Variants in ARHGEF7 observed in about 807,000 individuals in gnomAD.
ARHGEF7 encodes the protein PAK-interacting exchange factor beta.
In ARHGEF7, 33 loss-of-function variants were observed where a neutral mutation model predicts 109.8. That is an observed-to-expected ratio of 0.30 (90% CI 0.23 to 0.40). ARHGEF7 has a LOEUF of 0.40. Among genes scored for constraint, ARHGEF7 ranks in the 10% least tolerant of loss-of-function variants. The pLI is 1.00. For missense variants in ARHGEF7, 938 were observed against 1,098.5 expected (o/e 0.85, Z 2.07); for synonymous variants, 458 against 424.6 (o/e 1.08, Z -0.97).
chr13:111,213,267 T>C (rs986528843), intron 4 of ARHGEF7, among the ~76,000 whole-genome samples: 15 of 152,080 alleles, frequency 9.9e-5, no homozygotes, highest in Non-Finnish European at 2.1e-4. Context: ...CCCGGCCAGG[T>C]CGTGTGTGCC....
At chr13:111,270,577 G>A (rs2092060413) in intron 9 of ARHGEF7, among the ~76,000 whole-genome samples, 1 of 152,016 alleles carries the variant, frequency 6.6e-6, no homozygotes, top group East Asian at 1.9e-4. Context: ...TTTGGCTTCT[G>A]GGCTTTTTTT....
At chr13:111,171,292 G>C (rs2077574183) in intron 2 of ARHGEF7, among the ~76,000 whole-genome samples, 1 of 152,164 alleles carries the variant, frequency 6.6e-6, no homozygotes, top group Non-Finnish European at 1.5e-5. Flanking sequence ...ATAAAGATTT[G>C]AGGTATTTGG....
At chr13:111,164,574 G>T (rs772055070) in intron 2 of ARHGEF7, among the ~76,000 whole-genome samples, 1 of 152,182 alleles carries the variant, frequency 6.6e-6, no homozygotes, top group Non-Finnish European at 1.5e-5. Flanking sequence ...TTTCCAATTC[G>T]TGCTGGACCC....
intron 19 of ARHGEF7, chr13:111,294,442 G>C (rs1259676543): frequency 1.0e-6 from 1 of 985,252 alleles, no homozygotes; most frequent in East Asian, 1.1e-4. Context: ...ATCTTACTGG[G>C]ACATTTTCAT....
chr13:111,281,295 G>GT (rs754562112), intron 15 of ARHGEF7, among the ~76,000 whole-genome samples: 8 of 140,850 alleles, frequency 5.7e-5, no homozygotes, highest in Non-Finnish European at 1.1e-4. Flanking sequence ...GTATCGGGTT[G>GT]TTTTAACAGT....
rs530506035 is a variant in ARHGEF7 at position 111,118,616 on chromosome 13, A to T, written c.165+2925A>T. Among the ~76,000 whole-genome samples the T allele has an allele frequency of 4.6e-5, 7 of 152,234 alleles. No homozygotes were observed. In the South Asian group the frequency reaches 1.5e-3, roughly 32 times the overall value. On this transcript the variant is annotated intron_variant, in intron 1 of 21. Coordinates refer to ENST00000646102, the MANE Select transcript of ARHGEF7 (RefSeq NM_001354046.2). The stretch of plus-strand genomic sequence containing the variant: ...TGAGCAGAGGTCATGACGTCTAGGG[A>T]GCCCTGGAAGCCCTTTTCTCACAAA...
chr13:111,301,401 T>C, intron 20 of ARHGEF7, 77 bp from the exon 21 acceptor site: 4 of 1,208,234 alleles, frequency 3.3e-6, no homozygotes, highest in Non-Finnish European at 4.9e-6. Context: ...AGCATCGTAG[T>C]GTCTCCTGGT....
chr13:111,303,205 C>T lies in ARHGEF7; in HGVS notation c.*92C>T. The stretch of plus-strand genomic sequence containing the variant: ...TCGGGGTGCACTCAGGACCACAGGG[C>T]AGGGCTGGGTGGGGCGCCACCTTGC... On this transcript the variant is annotated 3_prime_UTR_variant, in exon 22 of 22. Transcript: ENST00000646102. The T allele has an allele frequency of 1.1e-6, 1 of 889,636 alleles. No individual in the cohort carries two copies. Among genetic ancestry groups the T allele is most frequent in the Non-Finnish European group, 1.6e-6 (1 of 622,444 alleles). The allele number at this position is 889,636 out of a possible 1,614,324, so 55.1% of individuals were successfully genotyped here.
chr13:111,120,546 A>G (rs2067132500), intron 1 of ARHGEF7, among the ~76,000 whole-genome samples: 2 of 152,106 alleles, frequency 1.3e-5, no homozygotes, highest in Admixed American at 6.5e-5. Context: ...ACGGGGGTTG[A>G]GGGAGTGGGG....
At chr13:111,117,353 A>C (rs976516736) in intron 1 of ARHGEF7, among the ~76,000 whole-genome samples, 3 of 152,260 alleles carry the variant, frequency 2.0e-5, no homozygotes, top group Non-Finnish European at 4.4e-5. Context: ...AGAACGAATA[A>C]AATGTTGAGC....
chr13:111,213,341 T>C (rs928476318), intron 4 of ARHGEF7, among the ~76,000 whole-genome samples: 1 of 152,146 alleles, frequency 6.6e-6, no homozygotes, highest in African/African-American at 2.4e-5. Flanking sequence ...TCCCCTCCAG[T>C]TACTAAATTT....
intron 17 of ARHGEF7, among the ~76,000 whole-genome samples, chr13:111,286,450 C>G (rs1339579542): frequency 6.6e-6 from 1 of 152,174 alleles, no homozygotes; most frequent in Non-Finnish European, 1.5e-5. Context: ...AGCCTCCGTG[C>G]CAGTCCCGGC....
At chr13:111,254,668 C>T (rs1241739677) in intron 8 of ARHGEF7, among the ~76,000 whole-genome samples, 2 of 61,914 alleles carry the variant, frequency 3.2e-5, no homozygotes, top group Non-Finnish European at 6.2e-5. Flanking sequence ...GGCGCTGAGT[C>T]GCTAACGTGA....
chr13:111,142,568 G>A (rs2153360040), intron 1 of ARHGEF7, among the ~76,000 whole-genome samples: 1 of 152,214 alleles, frequency 6.6e-6, no homozygotes. Flanking sequence ...GTCCCAACTG[G>A]CCCATCTTTC....
chr13:111,278,194 G>T (rs1026180983), intron 13 of ARHGEF7, among the ~76,000 whole-genome samples: 68 of 152,224 alleles, frequency 4.5e-4, no homozygotes, highest in Admixed American at 1.8e-3. Context: ...CAGCAGATTT[G>T]GGAAGGAGGT....
At chr13:111,152,891 G>C (rs766246658) in intron 1 of ARHGEF7, among the ~76,000 whole-genome samples, 4 of 152,202 alleles carry the variant, frequency 2.6e-5, no homozygotes, top group African/African-American at 7.2e-5. Flanking sequence ...CCGTGGGTAA[G>C]GTCCAAACAC....
At chr13:111,170,952 C>T (rs1200741406) in intron 2 of ARHGEF7, among the ~76,000 whole-genome samples, 1 of 152,196 alleles carries the variant, frequency 6.6e-6, no homozygotes, top group African/African-American at 2.4e-5. Flanking sequence ...AGCATTTTAT[C>T]CTTTTTCTGT....
chr13:111,179,005 T>A (rs1225312841), intron 2 of ARHGEF7, among the ~76,000 whole-genome samples: 1 of 151,764 alleles, frequency 6.6e-6, no homozygotes, highest in Non-Finnish European at 1.5e-5. Context: ...GTAACAAAGG[T>A]TGGGAGACTA....
intron 2 of ARHGEF7, among the ~76,000 whole-genome samples, chr13:111,181,509 AAAC>A (rs889950047): frequency 6.0e-4 from 91 of 152,082 alleles, no homozygotes; most frequent in African/African-American, 1.9e-3. Context: ...TGTTTTTTTT[AAAC>A]AACAACAACA....
Sources: gnomAD v4.1 joint callset for allele counts (sites outside exome capture counted in the v4.1 genomes callset) on GRCh38, gnomAD v4.1.1 for gene constraint, MANE v1.5 for transcripts, NCBI Gene and HGNC (gene_info 2026-07-23, HGNC 2026-07-21) for gene names.